Variants in TBCD observed in about 807,000 individuals in gnomAD.
The protein encoded by TBCD is tubulin-specific chaperone D.
Under a neutral mutation model 169.3 loss-of-function variants are expected in TBCD, and 105 were observed. That is an observed-to-expected ratio of 0.62 (90% confidence interval 0.53 to 0.73). The LOEUF (loss-of-function observed/expected upper bound fraction) is 0.73, where lower values mean the gene tolerates loss of function less well. Ranked by LOEUF, TBCD falls within the 30% of genes least tolerant of loss-of-function variation. The pLI, the probability that TBCD is intolerant of heterozygous loss-of-function variation, is 0.00. For synonymous variants in TBCD, 700 were observed against 643.9 expected (o/e 1.09, Z -1.32); for missense variants, 1,444 against 1,600.1 (o/e 0.90, Z 1.66).
chr17:82,846,311 G>GCGTCCTCTGTGCCGTGTCCTCT lies in TBCD; in HGVS notation c.1319-23908_1319-23907insTCTGTGCCGTGTCCTCTCGTCC, dbSNP rs1567879164. On this transcript the variant is annotated intron_variant, in intron 13 of 38. Coordinates refer to ENST00000355528, the MANE Select transcript of TBCD (RefSeq NM_005993.5). ...CCCTCTGCTGCCCCCTCCACGTGCT[G>GCGTCCTCTGTGCCGTGTCCTCT]CGTCCAGCGTGCCGTGTCCTCTCGT... Among the ~76,000 whole-genome samples the GCGTCCTCTGTGCCGTGTCCTCT allele has an allele frequency of 2.2e-3, 293 of 135,278 alleles. 30 individuals carry two copies. The highest frequency in any genetic ancestry group is 8.1e-3 in the Middle Eastern group (2 of 248). The allele number at this position is 135,278 out of a possible 152,430, so 88.7% of individuals were successfully genotyped here.
chr17:82,779,724 G>C (rs779909200), intron 6 of TBCD, among the ~76,000 whole-genome samples: 4 of 152,248 alleles, frequency 2.6e-5, no homozygotes, highest in Non-Finnish European at 4.4e-5. Context: ...TGGAACAAGG[G>C]CCGGGAAGGT....
chr17:82,851,809 T>C lies in TBCD; in HGVS notation c.1319-18415T>C, dbSNP rs1256834243. On this transcript the variant is annotated intron_variant, in intron 13 of 38. Transcript: ENST00000355528. ...GTGCAGCCACCGTGGAGATGGAAAA[T>C]GGCATGTTAAGAATATCTTTTGCCA... 2.6e-5 allele frequency among the ~76,000 whole-genome samples: 4 copies of C among 152,126 alleles called. No homozygotes were observed. The East Asian group carries it at 7.7e-4, about 29-fold the overall frequency.
Position 82,831,763 on chromosome 17 carries a change from A to G in TBCD, c.1318+16829A>G. 2 of 1,614,108 alleles carry G rather than the reference A, an allele frequency of 1.2e-6. No homozygotes were observed. The highest frequency in any genetic ancestry group is 8.5e-7 in the Non-Finnish European group (1 of 1,180,006). On this transcript the variant is annotated intron_variant, in intron 13 of 38. Transcript: ENST00000355528. This position sits in a 1 kb window ranked among gnomAD's most constrained non-coding sequence, Gnocchi z 4.6. ...GATTGTGGGGTGCATGTAAGGGGAAATGGCCCCAAGCCCCTTTGTAGATGA... is the reference window on the plus strand; with the variant it reads ...GATTGTGGGGTGCATGTAAGGGGAAGTGGCCCCAAGCCCCTTTGTAGATGA...
At position 82,937,733 on chromosome 17, in the gene TBCD, C is replaced by G. The variant is rs918796350; in HGVS notation, c.3282-316C>G. ...CTCAGGTGGACACTGGGCAGGTGCG[C>G]CAGCCAGCGATAGGCACCTTGGCTG... is the stretch of plus-strand genomic sequence containing the variant. On this transcript the variant is annotated intron_variant, in intron 35 of 38. Coordinates refer to ENST00000355528, the MANE Select transcript of TBCD (RefSeq NM_005993.5). 1.0e-4 allele frequency: 85 copies of G among 819,288 alleles called. No individual in the cohort carries two copies. The Admixed American group carries it at 2.4e-3, about 23-fold the overall frequency. 50.8% of individuals were successfully genotyped at this position (819,288 alleles called of 1,614,324 possible).
rs1417130140 is a variant in TBCD at position 82,884,383 on chromosome 17, C to T, written c.1533+181C>T. Among the ~76,000 whole-genome samples, 7 of 152,170 alleles carry T rather than the reference C, an allele frequency of 4.6e-5. No individual in the cohort carries two copies. The highest frequency in any genetic ancestry group is 1.0e-4 in the Non-Finnish European group (7 of 68,034). Reference sequence around the variant, plus strand: ...GGTTCTTACTGTCTCTGGGCGTCTTCAGCGTGTGAAGGGCGGTCAGGGTTA... The same window carrying T: ...GGTTCTTACTGTCTCTGGGCGTCTTTAGCGTGTGAAGGGCGGTCAGGGTTA... On this transcript the variant is annotated intron_variant, in intron 15 of 38. Coordinates refer to ENST00000355528, the MANE Select transcript of TBCD (RefSeq NM_005993.5). The surrounding 1 kb of genome is among the most constrained non-coding windows in gnomAD (Gnocchi z 4.2).
chr17:82,942,348 G>A (rs2063386593), intron 38 of TBCD, 101 bp from the exon 39 acceptor site: 9 of 1,546,900 alleles, frequency 5.8e-6, no homozygotes, highest in South Asian at 3.4e-5. Context: ...TGCAGGAACC[G>A]TGTCAGTCCC....
rs1214589699 is a variant in TBCD at position 82,930,449 on chromosome 17, C to T, written c.2992-73C>T. On this transcript the variant is annotated intron_variant, in intron 32 of 38. Transcript: ENST00000355528. This position sits in a 1 kb window ranked among gnomAD's most constrained non-coding sequence, Gnocchi z 5.2. ...GTTCTGCTCTTCAGCAGATGCTTGACCGGCTGTAGCCAAGCCTGAGGGGTG... is the reference window on the plus strand; with the variant it reads ...GTTCTGCTCTTCAGCAGATGCTTGATCGGCTGTAGCCAAGCCTGAGGGGTG... 3 of 1,560,502 alleles carry T rather than the reference C, an allele frequency of 1.9e-6. No homozygotes were observed. Among genetic ancestry groups the T allele is most frequent in the Non-Finnish European group, 2.6e-6 (3 of 1,156,180 alleles).
At chr17:82,846,724 C>T (rs1191116338) in intron 13 of TBCD, among the ~76,000 whole-genome samples, 2 of 152,218 alleles carry the variant, frequency 1.3e-5, no homozygotes, top group Non-Finnish European at 2.9e-5. Flanking sequence ...GGGTCACAGC[C>T]CTTCCCCTGT....
At chr17:82,876,374 G>C (rs1322708258) in intron 14 of TBCD, among the ~76,000 whole-genome samples, 2 of 152,212 alleles carry the variant, frequency 1.3e-5, no homozygotes, top group Non-Finnish European at 1.5e-5. Flanking sequence ...CGGCCTCGCA[G>C]TGTCTCTCTC....
chr17:82,877,344 T>C (rs898606443), intron 14 of TBCD, among the ~76,000 whole-genome samples: 2 of 152,202 alleles, frequency 1.3e-5, no homozygotes, highest in African/African-American at 4.8e-5. Flanking sequence ...ATAGCAGTTA[T>C]ATAACTTTTT....
rs1043464746 is a variant in TBCD, at chr17:82,890,115, C to T, written c.1563+418C>T. On this transcript the variant is annotated intron_variant, in intron 16 of 38. Transcript: ENST00000355528. The surrounding 1 kb of genome is among the most constrained non-coding windows in gnomAD (Gnocchi z 5.3). Reference sequence around the variant, plus strand: ...CCCAGAAGTCAGCTCCCAGAAGCTACGGACCCCATGACCCCACGACCCCAC... The same window carrying T: ...CCCAGAAGTCAGCTCCCAGAAGCTATGGACCCCATGACCCCACGACCCCAC... Among the ~76,000 whole-genome samples the T allele has an allele frequency of 2.0e-5, 3 of 152,198 alleles. No individual in the cohort carries two copies. Among genetic ancestry groups the T allele is most frequent in the African/African-American group, 7.2e-5 (3 of 41,438 alleles).
chr17:82,918,891 C>T (rs942807699), intron 23 of TBCD: 1 of 152,248 alleles, frequency 6.6e-6, no homozygotes, highest in Non-Finnish European at 1.5e-5. Context: ...AGGATTCGCG[C>T]TGGGACAAAG....
At chr17:82,814,601 C>T (rs764882765) in intron 12 of TBCD, among the ~76,000 whole-genome samples, 16 of 152,184 alleles carry the variant, frequency 1.1e-4, no homozygotes, top group African/African-American at 2.7e-4. Context: ...CTGCAACCTC[C>T]GCCTCCCTGG....
chr17:82,858,016 G>A (rs906294507), intron 13 of TBCD, among the ~76,000 whole-genome samples: 13 of 151,984 alleles, frequency 8.6e-5, no homozygotes, highest in African/African-American at 3.1e-4. Flanking sequence ...AGGCTCAAGC[G>A]ATCCTCCTGC....
intron 13 of TBCD, among the ~76,000 whole-genome samples, chr17:82,846,893 C>G (rs80337385): frequency 6.8e-6 from 1 of 146,868 alleles, no homozygotes. Context: ...TGTCTGGTCT[C>G]TGGGCCACAC....
Position 82,859,255 on chromosome 17 carries a change from C to T in TBCD, c.1319-10969C>T, listed in dbSNP as rs143249206. 5.5e-3 allele frequency among the ~76,000 whole-genome samples: 802 copies of T among 145,220 alleles called. 11 individuals carry two copies. The highest frequency in any genetic ancestry group is 0.019 in the African/African-American group (733 of 37,772). On this transcript the variant is annotated intron_variant, in intron 13 of 38. Coordinates refer to ENST00000355528, the MANE Select transcript of TBCD (RefSeq NM_005993.5). ...GAGTCTCGTGGGTCGTCTGGCCTGCCGGCTCTGTGTCCTCCCTACACTGAC... is the reference window on the plus strand; with the variant it reads ...GAGTCTCGTGGGTCGTCTGGCCTGCTGGCTCTGTGTCCTCCCTACACTGAC...
intron 14 of TBCD, among the ~76,000 whole-genome samples, chr17:82,878,391 C>G (rs770102411): frequency 1.3e-5 from 2 of 152,256 alleles, no homozygotes; most frequent in Non-Finnish European, 2.9e-5. Flanking sequence ...TGCACCAGGT[C>G]CCGTCACCCG....
chr17:82,828,066 CAT>C (rs1476426976), intron 13 of TBCD, among the ~76,000 whole-genome samples: 2 of 150,166 alleles, frequency 1.3e-5, no homozygotes, highest in South Asian at 2.1e-4. Flanking sequence ...CAGATACGCA[CAT>C]GTGCACATCC....
At chr17:82,900,345 G>A (rs932108412) in intron 17 of TBCD, among the ~76,000 whole-genome samples, 2 of 152,178 alleles carry the variant, frequency 1.3e-5, no homozygotes, top group African/African-American at 4.8e-5. Context: ...TTCAGATTGT[G>A]TGTGTTGTTG....
Sources: gnomAD v4.1 joint callset for allele counts (sites outside exome capture counted in the v4.1 genomes callset) on GRCh38, gnomAD v4.1.1 for gene constraint, Gnocchi (gnomAD v3.1) non-coding constraint, MANE v1.5 for transcripts, NCBI Gene and HGNC (gene_info 2026-07-23, HGNC 2026-07-21) for gene names.